Variants in METTL15 observed in about 807,000 individuals in gnomAD.
METTL15 encodes methyltransferase 15, mitochondrial 12S rRNA N4-cytidine.
A neutral mutation model predicts 38.3 loss-of-function variants in METTL15; 34 were observed. The observed-to-expected ratio is 0.89, with a 90% confidence interval of 0.68 to 1.18. METTL15 has a LOEUF of 1.18. METTL15 is among the 50% of genes most tolerant of loss of function. The pLI is 0.00. For synonymous variants in METTL15, 162 were observed against 170.9 expected, an observed-to-expected ratio of 0.95 and a Z score of 0.41; for missense variants, 438 against 498.4, an observed-to-expected ratio of 0.88 and a Z score of 1.15.
chr11:28,454,659 TACTTA>T (rs1851152648), intron 6 of METTL15, among the ~76,000 whole-genome samples: 1 of 152,218 alleles, frequency 6.6e-6, no homozygotes, highest in Non-Finnish European at 1.5e-5. Flanking sequence ...GGAGTTAACA[TACTTA>T]ACTTATAGTC....
In METTL15 at chr11:28,330,687, G is replaced by C. The variant is rs1241374062; in HGVS notation, c.1070G>C (p.Gly357Ala). The C allele has an allele frequency of 6.4e-7, 1 of 1,551,446 alleles. No individual in the cohort carries two copies. The highest frequency in any genetic ancestry group is 8.7e-7 in the Non-Finnish European group (1 of 1,146,800). Residue 357 changes from glycine to alanine, a missense_variant, in exon 7 of 7, where the codon GGT becomes GCT. By Grantham distance (60) the Gly-to-Ala change is moderately conservative. Coordinates refer to ENST00000407364, the MANE Select transcript of METTL15 (RefSeq NM_001113528.2). ...CAAGTGATGAAAACATCTCAATTGG[G>C]TTCAGATCACGAAAACACGGAAGAA... ...RQQVMKTSQLGSDHENTEEVS... is the reference protein window; with the variant it reads ...RQQVMKTSQLASDHENTEEVS...
At chr11:28,121,526 C>T (rs1852231854) in intron 3 of METTL15, among the ~76,000 whole-genome samples, 1 of 151,986 alleles carries the variant, frequency 6.6e-6, no homozygotes. Context: ...CTGAACTTTC[C>T]AACATAGCTA....
intron 3 of METTL15, among the ~76,000 whole-genome samples, chr11:28,205,954 G>C (rs1852322319): frequency 6.8e-6 from 1 of 146,960 alleles, no homozygotes; most frequent in Admixed American, 6.7e-5. Flanking sequence ...TGATGGGGTT[G>C]TTTGTTTTTT....
rs919555384 is a variant in METTL15 at position 28,209,040 on chromosome 11, C to T, written c.271-2022C>T. 4.0e-5 allele frequency among the ~76,000 whole-genome samples: 6 copies of T among 151,618 alleles called. No homozygotes were observed. The East Asian group carries it at 5.8e-4, about 15-fold the overall frequency. On this transcript the variant is annotated intron_variant, in intron 3 of 6. Coordinates refer to ENST00000407364, the MANE Select transcript of METTL15 (RefSeq NM_001113528.2). ...TGACTGGTAGTAATAGATTTTTTTT[C>T]CCCTGTGGAAACTTTCTTGATTGTC...
chr11:28,399,495 G>C (rs1192922252), intron 5 of METTL15, among the ~76,000 whole-genome samples: 1 of 151,814 alleles, frequency 6.6e-6, no homozygotes, highest in Non-Finnish European at 1.5e-5. Flanking sequence ...TGATCATAAA[G>C]CAATGTGTCT....
At chr11:28,412,165 A>G (rs112509486) in intron 5 of METTL15, among the ~76,000 whole-genome samples, 2,688 of 152,114 alleles carry the variant, frequency 0.018, 52 homozygotes, top group African/African-American at 0.051. Context: ...TGGTATAGCC[A>G]TTATGGAAAA....
intron 6 of METTL15, among the ~76,000 whole-genome samples, chr11:28,511,312 G>T (rs1157753148): frequency 6.6e-6 from 1 of 152,158 alleles, no homozygotes; most frequent in East Asian, 1.9e-4. Flanking sequence ...CATGTATTTT[G>T]TATGTCACAT....
intron 5 of METTL15, among the ~76,000 whole-genome samples, chr11:28,370,862 T>C (rs1850236790): frequency 6.6e-6 from 1 of 152,096 alleles, no homozygotes; most frequent in Non-Finnish European, 1.5e-5. Context: ...TTGAAAAATG[T>C]CTATTGAATG....
intron 4 of METTL15, among the ~76,000 whole-genome samples, chr11:28,258,148 T>G (rs1159354812): frequency 1.3e-5 from 2 of 152,200 alleles, no homozygotes; most frequent in Admixed American, 6.5e-5. Context: ...ACTGCCTTGA[T>G]GGTCATGGAC....
intron 4 of METTL15, among the ~76,000 whole-genome samples, chr11:28,242,327 T>G (rs1261514242): frequency 6.6e-6 from 1 of 152,218 alleles, no homozygotes; most frequent in Non-Finnish European, 1.5e-5. Flanking sequence ...AAATGATGTC[T>G]TATTTTCCAC....
chr11:28,220,291 A>C (rs1853136597), intron 4 of METTL15, among the ~76,000 whole-genome samples: 1 of 152,074 alleles, frequency 6.6e-6, no homozygotes, highest in Admixed American at 6.6e-5. Context: ...CTTCTTGTTG[A>C]ATTGATCACT....
At position 28,143,308 on chromosome 11, in the gene METTL15, A is replaced by C. The variant is rs148943739; in HGVS notation, c.270+29704A>C. On this transcript the variant is annotated intron_variant, in intron 3 of 6. Coordinates refer to ENST00000407364, the MANE Select transcript of METTL15 (RefSeq NM_001113528.2). ...TCTTATAGTCAAAAGAACACAGTAC[A>C]TTAAAACAACAATTATTTAAAAACG... Among the ~76,000 whole-genome samples, 117 of 152,236 alleles carry C rather than the reference A, an allele frequency of 7.7e-4. 2 individuals are homozygous for C. In the East Asian group the frequency reaches 0.021, roughly 27 times the overall value.
At chr11:28,299,580 T>G (rs775408745) in intron 6 of METTL15, among the ~76,000 whole-genome samples, 11 of 152,112 alleles carry the variant, frequency 7.2e-5, no homozygotes, top group Non-Finnish European at 1.2e-4. Flanking sequence ...ATCCAAAGAA[T>G]AGAATCCTAC....
intron 5 of METTL15, among the ~76,000 whole-genome samples, chr11:28,417,974 A>G (rs1395408389): frequency 1.3e-5 from 2 of 152,150 alleles, no homozygotes; most frequent in African/African-American, 4.8e-5. Flanking sequence ...TTGATGACTC[A>G]ATCATAAATT....
At chr11:28,335,200 A>T (rs1275145746), downstream of METTL15, among the ~76,000 whole-genome samples, 1 of 152,184 alleles carries the variant, frequency 6.6e-6, no homozygotes, top group East Asian at 1.9e-4. Flanking sequence ...CCATCAAATG[A>T]TAGGATTCCT....
At chr11:28,365,776 G>T (rs575881750) in intron 5 of METTL15, among the ~76,000 whole-genome samples, 1 of 152,156 alleles carries the variant, frequency 6.6e-6, no homozygotes, top group African/African-American at 2.4e-5. Context: ...GGCCAGGCGC[G>T]GTGGCTCATG....
At chr11:28,176,320 C>G (rs1851073384) in intron 3 of METTL15, among the ~76,000 whole-genome samples, 1 of 152,158 alleles carries the variant, frequency 6.6e-6, no homozygotes, top group East Asian at 1.9e-4. Context: ...TACAATCATA[C>G]TATTTGTATT....
At chr11:28,481,464 G>T (rs564106014) in intron 6 of METTL15, among the ~76,000 whole-genome samples, 21 of 152,168 alleles carry the variant, frequency 1.4e-4, no homozygotes, top group Non-Finnish European at 3.1e-4. Flanking sequence ...TTTCCCAATT[G>T]TTCCAATTGT....
intron 5 of METTL15, among the ~76,000 whole-genome samples, chr11:28,414,350 CT>C (rs1480977891): frequency 2.0e-5 from 3 of 152,002 alleles, no homozygotes; most frequent in African/African-American, 7.2e-5. Context: ...CTTTCCGAAC[CT>C]GTTCAATCTC....
Sources: gnomAD v4.1 joint callset for allele counts (sites outside exome capture counted in the v4.1 genomes callset) on GRCh38, gnomAD v4.1.1 for gene constraint, MANE v1.5 for transcripts, NCBI Gene and HGNC (gene_info 2026-07-23, HGNC 2026-07-21) for gene names.